SLCO1A2: variants seen among roughly 807,000 people sequenced by gnomAD.
SLCO1A2 encodes the protein OATP-1.
A neutral mutation model predicts 69.0 loss-of-function variants in SLCO1A2; 67 were observed. The ratio of observed to expected loss-of-function variants is 0.97; its 90% CI spans 0.80 to 1.19. The LOEUF is 1.19. Ranked by LOEUF, SLCO1A2 falls within the 50% of genes most tolerant of loss-of-function variation. The pLI is 0.00. For synonymous variants in SLCO1A2, 260 were observed against 265.9 expected (o/e 0.98, Z 0.22); for missense variants, 787 against 793.7 (o/e 0.99, Z 0.10).
chr12:21,304,711 G>A (rs1949138527), intron 5 of SLCO1A2, 138 bp from the exon 6 acceptor site: 12 of 822,548 alleles, frequency 1.5e-5, no homozygotes, highest in Non-Finnish European at 2.2e-5. Flanking sequence ...TATTCCAGCA[G>A]TGACTTCTCA....
chr12:21,294,811 T>A (rs1373422808), intron 10 of SLCO1A2: 2 of 152,212 alleles, frequency 1.3e-5, no homozygotes, highest in African/African-American at 4.8e-5. Flanking sequence ...CAATTTAATC[T>A]GTAAAGTGGA....
intron 2 of SLCO1A2, among the ~76,000 whole-genome samples, chr12:21,341,687 C>T (rs188674932): frequency 6.6e-6 from 1 of 152,130 alleles, no homozygotes; most frequent in Admixed American, 6.6e-5. Context: ...ACGCATCCAG[C>T]GTTGATTCCC....
chr12:21,341,128 A>T (rs748917482), intron 2 of SLCO1A2, among the ~76,000 whole-genome samples: 7 of 152,000 alleles, frequency 4.6e-5, no homozygotes, highest in Non-Finnish European at 5.9e-5. Context: ...CACACACCTT[A>T]TAAGTGGCAG....
chr12:21,276,387 GACACACACACACAC>G (rs3060629), intron 12 of SLCO1A2, among the ~76,000 whole-genome samples: 10 of 141,998 alleles, frequency 7.0e-5, no homozygotes, highest in Non-Finnish European at 1.2e-4. Flanking sequence ...GATAAATATG[GACACACACACACAC>G]ACACACACAC....
upstream of SLCO1A2, among the ~76,000 whole-genome samples, chr12:21,397,956 T>A (rs1941535528): frequency 1.0e-5 from 1 of 96,274 alleles, no homozygotes; most frequent in Non-Finnish European, 2.1e-5. Context: ...ACATCACAAT[T>A]AAAAGAACTA....
chr12:21,325,210 A>G (rs1952124659), intron 2 of SLCO1A2, among the ~76,000 whole-genome samples: 1 of 152,164 alleles, frequency 6.6e-6, no homozygotes, highest in African/African-American at 2.4e-5. Flanking sequence ...TGTCCAATTA[A>G]CATTCCTCAA....
intron 2 of SLCO1A2, among the ~76,000 whole-genome samples, chr12:21,325,918 G>A (rs1793629810): frequency 6.6e-6 from 1 of 152,088 alleles, no homozygotes; most frequent in African/African-American, 2.4e-5. Context: ...CACCTGGAGT[G>A]CCCATGTAGC....
rs563612061 is a variant in SLCO1A2 at position 21,315,643 on chromosome 12, G to A, written c.203-962C>T. 3.3e-5 allele frequency among the ~76,000 whole-genome samples: 5 copies of A among 152,218 alleles called. No homozygotes were observed. The South Asian group carries it at 1.0e-3, about 32-fold the overall frequency. ...CCTGTATTTTTCTCTAGTCTGCCTT[G>A]TGTGTAGAAGATATGTCCATTTGTC... On this transcript the variant is annotated intron_variant, in intron 3 of 14. Transcript: ENST00000683939.
upstream of SLCO1A2, chr12:21,395,494 T>A (rs113280479): frequency 6.5e-6 from 1 of 153,970 alleles, no homozygotes; most frequent in South Asian, 2.1e-4. Context: ...AAAGCAGCTG[T>A]GAAGCTCGAA....
At position 21,297,507 on chromosome 12, in the gene SLCO1A2, T is replaced by C. The variant is rs1947913084; in HGVS notation, c.972A>G (p.Val324=). 1 of 1,606,588 alleles carries C rather than the reference T, an allele frequency of 6.2e-7. No individual in the cohort carries two copies. Among genetic ancestry groups the C allele is most frequent in the East Asian group, 2.2e-5 (1 of 44,708 alleles). The part of the protein sequence containing the change: ...CNPIYMLFIL[V]SVIQFNAFVN... Reference sequence around the variant, plus strand: ...CGAATGCATTGAACTGTATCACACTTACAAGTATGAAAAGCATATAAATTG... The same window carrying C: ...CGAATGCATTGAACTGTATCACACTCACAAGTATGAAAAGCATATAAATTG... The change falls in exon 9 of 15, where the codon GTA becomes GTG. Residue 324 remains valine (V), a synonymous_variant. Coordinates refer to ENST00000683939, the MANE Select transcript of SLCO1A2 (RefSeq NM_001386879.1).
chr12:21,373,848 T>C (rs960188128), intron 2 of SLCO1A2: 4 of 526,548 alleles, frequency 7.6e-6, no homozygotes, highest in African/African-American at 5.8e-5. Flanking sequence ...GATTTTTGTT[T>C]TCCTCAGATG....
chr12:21,347,220 C>G (rs928070905), intron 2 of SLCO1A2, among the ~76,000 whole-genome samples: 1 of 152,138 alleles, frequency 6.6e-6, no homozygotes, highest in Non-Finnish European at 1.5e-5. Context: ...AATGTTGTAA[C>G]TATTTATAGG....
At chr12:21,333,851 A>T (rs906880773) in intron 2 of SLCO1A2, among the ~76,000 whole-genome samples, 1 of 152,004 alleles carries the variant, frequency 6.6e-6, no homozygotes, top group African/African-American at 2.4e-5. Context: ...TATTTTTTTT[A>T]GATTTATATC....
At chr12:21,405,710 A>C (rs978708278) in intron 1 of SLCO1A2, among the ~76,000 whole-genome samples, 1 of 152,232 alleles carries the variant, frequency 6.6e-6, no homozygotes, top group African/African-American at 2.4e-5. Context: ...AGCCATATGC[A>C]GAAAATTGAA....
At chr12:21,419,604 G>C (rs546345771), upstream of SLCO1A2, 26 of 165,984 alleles carry the variant, frequency 1.6e-4, no homozygotes, top group South Asian at 4.7e-3. Context: ...TAGTACAGCA[G>C]TCTGAGATCA....
At chr12:21,388,110 C>T (rs1407716334) in intron 1 of SLCO1A2, among the ~76,000 whole-genome samples, 1 of 152,152 alleles carries the variant, frequency 6.6e-6, no homozygotes, top group African/African-American at 2.4e-5. Context: ...CCTATTGTAT[C>T]TAGGAAGTAA....
At position 21,364,763 on chromosome 12, in the gene SLCO1A2, G is replaced by A. The variant is rs560317437; in HGVS notation, c.-63+9636C>T. On this transcript the variant is annotated intron_variant, in intron 2 of 15. Coordinates refer to the SLCO1A2 transcript ENST00000307378. ...TCCTATACACCAATAACAGACAAAC[G>A]GAGAGACAAATCATGAGTGAACTCC... Among the ~76,000 whole-genome samples, 17 of 152,104 alleles carry A rather than the reference G, an allele frequency of 1.1e-4. No homozygotes were observed. The South Asian group carries it at 2.9e-3, about 26-fold the overall frequency.
chr12:21,289,159 C>G (rs978892418), intron 12 of SLCO1A2, among the ~76,000 whole-genome samples: 1 of 143,508 alleles, frequency 7.0e-6, no homozygotes, highest in Non-Finnish European at 1.5e-5. Context: ...GTATATTGTA[C>G]ATTTGTGATG....
intron 12 of SLCO1A2, among the ~76,000 whole-genome samples, chr12:21,281,188 A>C (rs557589916): frequency 1.3e-5 from 2 of 152,330 alleles, no homozygotes; most frequent in East Asian, 3.9e-4. Flanking sequence ...GTGGTGGCTC[A>C]CACCTGTAAT....
Sources: gnomAD v4.1 joint callset for allele counts (sites outside exome capture counted in the v4.1 genomes callset) on GRCh38, gnomAD v4.1.1 for gene constraint, MANE v1.5 for transcripts, NCBI Gene and HGNC (gene_info 2026-07-23, HGNC 2026-07-21) for gene names.